Variants in SETD3 observed in about 807,000 individuals in gnomAD.
The protein encoded by SETD3 is SET domain containing 3, actin N3(tau)-histidine methyltransferase, also known as actin-histidine N-methyltransferase.
A neutral mutation model predicts 63.0 loss-of-function variants in SETD3; 19 were observed. The observed-to-expected ratio is 0.30, with a 90% CI of 0.21 to 0.44. The LOEUF is 0.44. SETD3 is among the 20% of genes least tolerant of loss of function. The probability of loss-of-function intolerance (pLI) is 1.00; values close to 1 mark genes in which losing one functional copy is unlikely to be tolerated. For missense variants in SETD3, 587 were observed against 728.5 expected, an observed-to-expected ratio of 0.81 and a Z score of 2.24; for synonymous variants, 286 against 264.1, an observed-to-expected ratio of 1.08 and a Z score of -0.80.
At position 99,426,328 on chromosome 14, in the gene SETD3, G is replaced by A. The variant is rs185854383; in HGVS notation, c.676-12394C>T. Among the ~76,000 whole-genome samples, 14 of 152,356 alleles carry A rather than the reference G, an allele frequency of 9.2e-5. No individual in the cohort carries two copies. In the East Asian group the frequency reaches 2.5e-3, roughly 27 times the overall value. ...TTCACTCATTCAACAAATATTCACA[G>A]CACCCACTCTGAGTGAAGTGGAAAA... On this transcript the variant is annotated intron_variant, in intron 6 of 12. Coordinates refer to ENST00000331768, the MANE Select transcript of SETD3 (RefSeq NM_032233.3).
intron 6 of SETD3, among the ~76,000 whole-genome samples, chr14:99,440,248 T>A (rs1425941227): frequency 6.6e-6 from 1 of 152,250 alleles, no homozygotes; most frequent in Non-Finnish European, 1.5e-5. Context: ...TTTTTAGAAC[T>A]CACTTTTTCC....
rs144253867 is a variant in SETD3 at position 99,399,551 on chromosome 14, C to T, written c.1339-426G>A. Among the ~76,000 whole-genome samples the T allele has an allele frequency of 7.9e-5, 12 of 151,962 alleles. No homozygotes were observed. The South Asian group carries it at 1.0e-3, about 13-fold the overall frequency. ...GGCTCAGTAGTGAACTTAAAAAGCA[C>T]AAATGAAAACATGTTTGTGAAATCA... is the stretch of plus-strand genomic sequence containing the variant. On this transcript the variant is annotated intron_variant, in intron 12 of 12. Coordinates refer to ENST00000331768, the MANE Select transcript of SETD3 (RefSeq NM_032233.3).
chr14:99,434,187 G>C (rs1328626315), intron 6 of SETD3, among the ~76,000 whole-genome samples: 2 of 142,636 alleles, frequency 1.4e-5, no homozygotes, highest in Non-Finnish European at 3.0e-5. Flanking sequence ...TAAAAAACTG[G>C]TACATTCATA....
intron 9 of SETD3, among the ~76,000 whole-genome samples, chr14:99,405,794 G>C (rs1362963540): frequency 6.6e-6 from 1 of 152,218 alleles, no homozygotes; most frequent in African/African-American, 2.4e-5. Flanking sequence ...TTCTGGAACT[G>C]TAAAGCAGTA....
intron 6 of SETD3, among the ~76,000 whole-genome samples, chr14:99,434,871 A>AC (rs1198010080): frequency 6.6e-6 from 1 of 150,490 alleles, no homozygotes; most frequent in African/African-American, 2.4e-5. Flanking sequence ...AAAAAAAAAA[A>AC]AAAAACAACC....
At chr14:99,402,499 T>TGCAGCC (rs964333640) in intron 11 of SETD3, among the ~76,000 whole-genome samples, 2 of 152,322 alleles carry the variant, frequency 1.3e-5, no homozygotes, top group Admixed American at 1.3e-4. Context: ...CACGGCTCAC[T>TGCAGCC]GCAGCCTCAA....
At chr14:99,442,950 A>G (rs1299627865) in intron 6 of SETD3, among the ~76,000 whole-genome samples, 1 of 152,124 alleles carries the variant, frequency 6.6e-6, no homozygotes, top group Non-Finnish European at 1.5e-5. Context: ...ACGACCACCA[A>G]CCACACACTC....
chr14:99,437,160 G>A (rs1274081063), intron 6 of SETD3, among the ~76,000 whole-genome samples: 1 of 152,186 alleles, frequency 6.6e-6, no homozygotes, highest in Non-Finnish European at 1.5e-5. Context: ...CCCAGACCTC[G>A]CAGGCACGCG....
At chr14:99,481,415 C>T, upstream of SETD3, 1 of 398,642 alleles carries the variant, frequency 2.5e-6, no homozygotes, top group South Asian at 1.3e-4. Flanking sequence ...CCCCGACATT[C>T]CATATACAAG....
intron 1 of SETD3, among the ~76,000 whole-genome samples, chr14:99,477,857 ATT>A (rs1271414912): frequency 6.6e-6 from 1 of 151,908 alleles, no homozygotes; most frequent in African/African-American, 2.4e-5. Context: ...TATTATGTAA[ATT>A]AATTCTATTT....
chr14:99,410,231 G>A (rs753642614), intron 8 of SETD3: 1 of 1,613,664 alleles, frequency 6.2e-7, no homozygotes, highest in Non-Finnish European at 8.5e-7. Context: ...GAATAGCAGG[G>A]AACCAGAGGT....
intron 2 of SETD3, 43 bp downstream of exon 2, chr14:99,465,660 C>A: frequency 6.7e-7 from 1 of 1,490,626 alleles, no homozygotes; most frequent in South Asian, 1.2e-5. Context: ...GAAAAAGGCA[C>A]AGCCACCACA....
At position 99,398,970 on chromosome 14, in the gene SETD3, C is replaced by G. The variant is rs571335100; in HGVS notation, c.1494G>C (p.Pro498=). The G allele has an allele frequency of 4.3e-6, 7 of 1,614,144 alleles. No homozygotes were observed. The South Asian group carries it at 6.6e-5, about 15-fold the overall frequency. Residue 498 remains proline (P), a synonymous_variant, in exon 13 of 13, where the codon CCG becomes CCC. Transcript: ENST00000331768. ...GGTTACTCTCTTCATATTTGGGAAG[C>G]GGAGCCTTTTCCTCCATCTGTTGGC... is the stretch of plus-strand genomic sequence containing the variant. ...YYRQQMEEKA[P]LPKYEESNLG...
chr14:99,482,087 C>G (rs999229840), upstream of SETD3, among the ~76,000 whole-genome samples: 1 of 152,188 alleles, frequency 6.6e-6, no homozygotes, highest in Non-Finnish European at 1.5e-5. Flanking sequence ...GAGCGTAAGT[C>G]TAGAGGTTAT....
In SETD3 at chr14:99,399,129, G is replaced by C; in HGVS notation, c.1339-4C>G. 4 of 1,611,094 alleles carry C rather than the reference G, an allele frequency of 2.5e-6. No individual in the cohort carries two copies. Among genetic ancestry groups the C allele is most frequent in the Non-Finnish European group, 3.4e-6 (4 of 1,177,984 alleles). On this transcript the variant is annotated splice_region_variant and splice_polypyrimidine_tract_variant and intron_variant, in intron 12 of 12. Coordinates refer to ENST00000331768, the MANE Select transcript of SETD3 (RefSeq NM_032233.3). ...TTTTCAAGACGGATTTATCTTCCTG[G>C]AAAACAAGAGCAAAATTAATTACAA...
At chr14:99,468,931 G>A (rs566668584) in intron 1 of SETD3, among the ~76,000 whole-genome samples, 1 of 152,278 alleles carries the variant, frequency 6.6e-6, no homozygotes, top group East Asian at 1.9e-4. Context: ...GCCACCCTGA[G>A]CTCCCAGGGA....
chr14:99,459,216 T>C (rs1169145352), intron 4 of SETD3, 31 bp from the exon 5 acceptor site: 4 of 1,489,130 alleles, frequency 2.7e-6, no homozygotes, highest in Non-Finnish European at 3.7e-6. Context: ...AGGAGAATCA[T>C]CAAAACACGG....
intron 1 of SETD3, among the ~76,000 whole-genome samples, chr14:99,472,286 A>C (rs1443170026): frequency 6.6e-6 from 1 of 152,228 alleles, no homozygotes; most frequent in Non-Finnish European, 1.5e-5. Context: ...AGGATGACTA[A>C]ATTTTAAGAT....
At chr14:99,416,990 T>A (rs1892323818) in intron 6 of SETD3, among the ~76,000 whole-genome samples, 1 of 152,138 alleles carries the variant, frequency 6.6e-6, no homozygotes, top group Non-Finnish European at 1.5e-5. Context: ...AAGATTAATA[T>A]CTAAAATTGT....
Sources: gnomAD v4.1 joint callset for allele counts (sites outside exome capture counted in the v4.1 genomes callset) on GRCh38, gnomAD v4.1.1 for gene constraint, MANE v1.5 for transcripts, NCBI Gene and HGNC (gene_info 2026-07-23, HGNC 2026-07-21) for gene names.